ITSN1: variants seen among roughly 807,000 people sequenced by gnomAD.
The protein encoded by ITSN1 is intersectin 1.
Under a neutral mutation model 239.8 loss-of-function variants are expected in ITSN1, and 58 were observed. The ratio of observed to expected loss-of-function variants is 0.24; its 90% confidence interval spans 0.20 to 0.30. ITSN1 has a LOEUF of 0.30. Ranked by LOEUF, ITSN1 falls within the 10% of genes least tolerant of loss-of-function variation. The probability of loss-of-function intolerance (pLI) is 1.00; values close to 1 mark genes in which losing one functional copy is unlikely to be tolerated. For missense variants in ITSN1, 1,558 were observed against 2,103.3 expected (o/e 0.74, Z 5.07); for synonymous variants, 780 against 770.8 (o/e 1.01, Z -0.20).
At chr21:33,867,670 G>A (rs1391272970) in intron 33 of ITSN1, among the ~76,000 whole-genome samples, 2 of 151,396 alleles carry the variant, frequency 1.3e-5, no homozygotes, top group African/African-American at 2.4e-5. Context: ...AGCTAATACT[G>A]TGTCCGGAAT....
chr21:33,799,965 G>A, intron 19 of ITSN1, 36 bp downstream of exon 19: 5 of 1,602,070 alleles, frequency 3.1e-6, no homozygotes, highest in Non-Finnish European at 4.3e-6. Context: ...CATTTCTGTT[G>A]AAGATTAGCC....
intron 1 of ITSN1, among the ~76,000 whole-genome samples, chr21:33,654,212 C>A (rs1253456995): frequency 1.3e-5 from 2 of 151,222 alleles, no homozygotes; most frequent in East Asian, 1.9e-4. Flanking sequence ...ACCACCACAC[C>A]TGGCTAATTT....
chr21:33,867,155 T>G (rs1981751421), intron 32 of ITSN1, 78 bp from the exon 33 acceptor site: 1 of 823,792 alleles, frequency 1.2e-6, no homozygotes, highest in Admixed American at 1.8e-5. Context: ...TGGAGAGTCC[T>G]CACTGACATT....
intron 29 of ITSN1, among the ~76,000 whole-genome samples, chr21:33,848,995 C>G (rs1171653340): frequency 6.6e-6 from 1 of 152,248 alleles, no homozygotes; most frequent in Non-Finnish European, 1.5e-5. Flanking sequence ...AATCCCAGCA[C>G]TTTGGGAGGC....
chr21:33,782,739 T>C (rs906923295), intron 16 of ITSN1, among the ~76,000 whole-genome samples: 1 of 152,076 alleles, frequency 6.6e-6, no homozygotes, highest in Non-Finnish European at 1.5e-5. Context: ...AGAATGTTAA[T>C]TCTTGGCCGG....
Position 33,818,282 on chromosome 21 carries a change from G to T in ITSN1, c.2743G>T (p.Gly915Trp), listed in dbSNP as rs758698817. 1 of 1,614,092 alleles carries T rather than the reference G, an allele frequency of 6.2e-7. No homozygotes were observed. The highest frequency in any genetic ancestry group is 8.5e-7 in the Non-Finnish European group (1 of 1,179,970). ...TCCACACAAGGGTGAAAAGGTGGAG[G>T]GGCTACAAGCTCAAGCCCTATATCC... ...PVLGQGEKVE[G>W]LQAQALYPWR... Residue 915 changes from glycine to tryptophan, a missense_variant, in exon 23 of 40, where the codon GGG becomes TGG. Physicochemically the swap from Gly to Trp is radical, Grantham distance 184 (BLOSUM62 -2). Around this residue, in one of 2 missense-constraint regions of ITSN1, gnomAD observed 982 missense variants for 1,209.9 expected, o/e 0.81. Transcript: ENST00000381318.
At chr21:33,720,561 CCTT>C (rs1033952397) in intron 2 of ITSN1, among the ~76,000 whole-genome samples, 40 of 151,910 alleles carry the variant, frequency 2.6e-4, no homozygotes, top group Admixed American at 3.9e-4. Context: ...CATCCCCTGC[CCTT>C]CTTTTTTTTT....
chr21:33,761,453 G>A (rs1024140145), intron 8 of ITSN1, among the ~76,000 whole-genome samples: 3 of 151,444 alleles, frequency 2.0e-5, no homozygotes, highest in Non-Finnish European at 2.9e-5. Context: ...ACAGTTTCCC[G>A]GAGATCTCTC....
At chr21:33,860,700 G>A (rs1980350471) in intron 31 of ITSN1, among the ~76,000 whole-genome samples, 1 of 152,188 alleles carries the variant, frequency 6.6e-6, no homozygotes, top group African/African-American at 2.4e-5. Flanking sequence ...CACACAGTAG[G>A]GTGGCTGCTC....
At chr21:33,762,083 G>C (rs753902004) in intron 9 of ITSN1, 97 bp downstream of exon 9, 138 of 838,600 alleles carry the variant, frequency 1.6e-4, no homozygotes, top group Non-Finnish European at 2.8e-4. Flanking sequence ...TTTTATGGGG[G>C]AATATGTAGA....
chr21:33,857,865 G>A (rs1479905761), intron 30 of ITSN1, among the ~76,000 whole-genome samples: 1 of 152,114 alleles, frequency 6.6e-6, no homozygotes, highest in Non-Finnish European at 1.5e-5. Context: ...CGGGTTCAAC[G>A]TCGGCTTAAG....
intron 25 of ITSN1, among the ~76,000 whole-genome samples, chr21:33,825,355 CT>C (rs1602463901): frequency 6.6e-6 from 1 of 152,194 alleles, no homozygotes; most frequent in Non-Finnish European, 1.5e-5. Context: ...AAACTCAGCT[CT>C]TTCGTCCTAC....
chr21:33,876,180 T>C (rs1983825326), intron 34 of ITSN1, among the ~76,000 whole-genome samples: 1 of 144,342 alleles, frequency 6.9e-6, no homozygotes, highest in Admixed American at 6.9e-5. Context: ...TTTCTTTCCT[T>C]CCTTCCTTCT....
chr21:33,867,034 T>C (rs965007572), intron 32 of ITSN1, among the ~76,000 whole-genome samples, 199 bp from the exon 33 acceptor site: 26 of 152,144 alleles, frequency 1.7e-4, no homozygotes, highest in Non-Finnish European at 2.8e-4. Context: ...GAGTCACATC[T>C]GTGGGTCTCC....
chr21:33,688,545 TGGGAATGCAGTTCTTGCTCTCAG>T (rs1057478172), intron 1 of ITSN1, among the ~76,000 whole-genome samples: 5 of 152,182 alleles, frequency 3.3e-5, no homozygotes, highest in Admixed American at 6.5e-5. Context: ...TAACAGAGGC[TGGGAATGCAGTTCTTGCTCTCAG>T]GGGAATGTAG....
intron 14 of ITSN1, among the ~76,000 whole-genome samples, chr21:33,780,515 A>G (rs999191722): frequency 2.6e-5 from 4 of 152,124 alleles, no homozygotes; most frequent in African/African-American, 9.7e-5. Flanking sequence ...AATTCTAGCT[A>G]TTGAGTTAAC....
rs1010243309 is a variant in ITSN1 at position 33,838,100 on chromosome 21, C to T, written c.3661+1468C>T. Reference sequence around the variant, plus strand: ...TTAATATGAAATGGAGCTCATGGTCCGTTTGTGTGTTAGATATGCTGTAGC... The same window carrying T: ...TTAATATGAAATGGAGCTCATGGTCTGTTTGTGTGTTAGATATGCTGTAGC... On this transcript the variant is annotated intron_variant, in intron 29 of 39. Coordinates refer to ENST00000381318, the MANE Select transcript of ITSN1 (RefSeq NM_003024.3). 1.7e-5 allele frequency: 17 copies of T among 985,478 alleles called. No individual in the cohort carries two copies. In the Admixed American group the frequency reaches 1.8e-4, roughly 11 times the overall value. The allele number at this position is 985,478 out of a possible 1,614,324, so 61.0% of individuals were successfully genotyped here. A position where few individuals can be genotyped will look rare whatever the true frequency, so the allele number is the denominator to read the frequency against.
chr21:33,858,004 G>T (rs537128068), intron 30 of ITSN1, among the ~76,000 whole-genome samples: 1 of 152,272 alleles, frequency 6.6e-6, no homozygotes, highest in East Asian at 1.9e-4. Context: ...CTCCTTGCAG[G>T]CGGGGGCTTG....
chr21:33,685,616 TAAAAAAAA>T (rs933917476), intron 1 of ITSN1, among the ~76,000 whole-genome samples: 1 of 109,306 alleles, frequency 9.1e-6, no homozygotes, highest in Non-Finnish European at 1.9e-5. Flanking sequence ...CCTTTTTGAG[TAAAAAAAA>T]AAAAAAAAAA....
Sources: gnomAD v4.1 joint callset for allele counts (sites outside exome capture counted in the v4.1 genomes callset) on GRCh38, gnomAD v4.1.1 for gene constraint, gnomAD v4.1.1 regional missense constraint, MANE v1.5 for transcripts, NCBI Gene and HGNC (gene_info 2026-07-23, HGNC 2026-07-21) for gene names.